PTPRJ: variants seen among roughly 807,000 people sequenced by gnomAD.
PTPRJ encodes receptor-type tyrosine-protein phosphatase eta.
Under a neutral mutation model 141.3 loss-of-function variants are expected in PTPRJ, and 129 were observed. The ratio of observed to expected loss-of-function variants is 0.91; its 90% confidence interval spans 0.79 to 1.06. The LOEUF (loss-of-function observed/expected upper bound fraction) is 1.06. Among genes scored for constraint, PTPRJ ranks in the 50% least tolerant of loss-of-function variants. The pLI, the probability that PTPRJ is intolerant of heterozygous loss-of-function variation, is 0.00. For missense variants in PTPRJ, 1,601 were observed against 1,679.7 expected (o/e 0.95, Z 0.82); for synonymous variants, 610 against 640.5 (o/e 0.95, Z 0.72).
At chr11:47,993,470 T>A (rs1478718210) in intron 1 of PTPRJ, among the ~76,000 whole-genome samples, 1 of 152,022 alleles carries the variant, frequency 6.6e-6, no homozygotes, top group African/African-American at 2.4e-5. Context: ...TTTTTGTATT[T>A]TTAGTAGAGA....
chr11:48,068,306 T>C (rs562938338), intron 1 of PTPRJ, among the ~76,000 whole-genome samples: 28 of 152,144 alleles, frequency 1.8e-4, no homozygotes, highest in African/African-American at 6.7e-4. Context: ...CCACCTAAAT[T>C]TCACCTTGAA....
chr11:48,076,099 G>T (rs532137484), intron 1 of PTPRJ, among the ~76,000 whole-genome samples: 152 of 152,282 alleles, frequency 1.0e-3, no homozygotes, highest in African/African-American at 3.5e-3. Context: ...GCTTGACCTG[G>T]GTTCCAGTCT....
chr11:48,164,286 G>A (rs1857857457), intron 23 of PTPRJ, 94 bp from the exon 24 acceptor site: 2 of 1,495,930 alleles, frequency 1.3e-6, no homozygotes, highest in Admixed American at 4.1e-5. Context: ...GTGTGACAGT[G>A]AAGGAAAGCA....
chr11:48,008,071 T>A lies in PTPRJ; in HGVS notation c.96+27063T>A, dbSNP rs544576209. Among the ~76,000 whole-genome samples, 4 of 152,268 alleles carry A rather than the reference T, an allele frequency of 2.6e-5. No homozygotes were observed. In the South Asian group the frequency reaches 8.3e-4, roughly 32 times the overall value. Reference sequence around the variant, plus strand: ...GACCTGTTTTTAATGGAGGCTGAATTGGGCTTTTAGGGTTGAGTTCTGACA... The same window carrying A: ...GACCTGTTTTTAATGGAGGCTGAATAGGGCTTTTAGGGTTGAGTTCTGACA... On this transcript the variant is annotated intron_variant, in intron 1 of 24. Coordinates refer to ENST00000418331, the MANE Select transcript of PTPRJ (RefSeq NM_002843.4).
rs192320082 is a variant in PTPRJ, at chr11:48,155,900, A to G, written c.3303+26A>G. On this transcript the variant is annotated intron_variant, in intron 20 of 24. Coordinates refer to ENST00000418331, the MANE Select transcript of PTPRJ (RefSeq NM_002843.4). ...GTAAGTTGGGGGACGGTCTCACAGC[A>G]CTGGACTGTTTCGATGAAATCTTCA... The G allele has an allele frequency of 2.1e-5, 34 of 1,590,110 alleles. No homozygotes were observed. In the East Asian group the frequency reaches 7.6e-4, roughly 36 times the overall value.
intron 1 of PTPRJ, among the ~76,000 whole-genome samples, chr11:48,002,055 G>C (rs1388463173): frequency 6.6e-6 from 1 of 151,820 alleles, no homozygotes; most frequent in Non-Finnish European, 1.5e-5. Context: ...TGTGCATGGT[G>C]TTTTGGGCCT....
intron 1 of PTPRJ, among the ~76,000 whole-genome samples, chr11:48,020,624 G>A (rs1855090410): frequency 6.6e-6 from 1 of 152,182 alleles, no homozygotes; most frequent in African/African-American, 2.4e-5. Flanking sequence ...GTTACCCTAG[G>A]TGGGTTAGCA....
intron 1 of PTPRJ, among the ~76,000 whole-genome samples, chr11:48,103,953 G>T (rs1369342555): frequency 6.6e-6 from 1 of 152,214 alleles, no homozygotes; most frequent in East Asian, 1.9e-4. Flanking sequence ...AGGGTGGTTG[G>T]TTCTCGTTCC....
intron 18 of PTPRJ, among the ~76,000 whole-genome samples, chr11:48,151,246 C>A (rs1263218300): frequency 6.6e-6 from 1 of 152,084 alleles, no homozygotes; most frequent in Non-Finnish European, 1.5e-5. Flanking sequence ...CAGCGCCCTT[C>A]CTTGCCTCCG....
intron 1 of PTPRJ, among the ~76,000 whole-genome samples, chr11:47,995,651 G>A (rs988148944): frequency 6.6e-6 from 1 of 152,238 alleles, no homozygotes; most frequent in African/African-American, 2.4e-5. Flanking sequence ...ATGGTATCAT[G>A]TTGGGGTGTG....
At chr11:48,088,688 C>G (rs1267990882) in intron 1 of PTPRJ, among the ~76,000 whole-genome samples, 1 of 152,128 alleles carries the variant, frequency 6.6e-6, no homozygotes, top group Non-Finnish European at 1.5e-5. Flanking sequence ...TTCCATGTTA[C>G]TCTCCATGTT....
intron 1 of PTPRJ, among the ~76,000 whole-genome samples, chr11:47,984,565 G>T (rs1488138504): frequency 4.1e-5 from 6 of 146,538 alleles, no homozygotes; most frequent in Middle Eastern, 3.5e-3. Flanking sequence ...TTATTTGTTT[G>T]TTTTTTTTTT....
chr11:48,028,786 C>T (rs1033265782), intron 1 of PTPRJ, among the ~76,000 whole-genome samples: 21 of 152,182 alleles, frequency 1.4e-4, no homozygotes, highest in Admixed American at 5.9e-4. Context: ...AGTGAAACTC[C>T]GTCTCAAAAG....
chr11:48,123,811 C>G lies in PTPRJ; in HGVS notation c.815C>G (p.Pro272Arg). ...LKPGVQYNIN[P>R]YLLQSNKTKG... ...CCAGGGGTTCAATACAACATCAACC[C>G]GTATCTTCTACAATCAAATAAGACA... Residue 272 changes from proline (P) to arginine (R), a missense_variant, in exon 5 of 25, where the codon CCG becomes CGG. Physicochemically the swap from Pro to Arg is moderately radical, Grantham distance 103 (BLOSUM62 -2). Coordinates refer to ENST00000418331, the MANE Select transcript of PTPRJ (RefSeq NM_002843.4). The G allele has an allele frequency of 6.2e-7, 1 of 1,614,080 alleles. No homozygotes were observed. The highest frequency in any genetic ancestry group is 8.5e-7 in the Non-Finnish European group (1 of 1,179,982).
chr11:48,059,920 A>T (rs1854873237), intron 1 of PTPRJ, among the ~76,000 whole-genome samples: 2 of 152,184 alleles, frequency 1.3e-5, no homozygotes, highest in Non-Finnish European at 2.9e-5. Flanking sequence ...TCAAACCCGA[A>T]TTGCATTAAG....
At chr11:48,126,284 A>T (rs962566266) in intron 6 of PTPRJ, among the ~76,000 whole-genome samples, 8 of 151,992 alleles carry the variant, frequency 5.3e-5, no homozygotes, top group Non-Finnish European at 1.2e-4. Flanking sequence ...AGTAGTGATT[A>T]CATCTCAGGC....
chr11:48,096,614 A>C (rs1293354793), intron 1 of PTPRJ, among the ~76,000 whole-genome samples: 1 of 151,294 alleles, frequency 6.6e-6, no homozygotes, highest in Middle Eastern at 3.2e-3. Flanking sequence ...TCCTCAAACC[A>C]AACCACCCCT....
At chr11:48,156,621 G>T (rs1475013871) in intron 21 of PTPRJ, among the ~76,000 whole-genome samples, 1 of 133,792 alleles carries the variant, frequency 7.5e-6, no homozygotes, top group East Asian at 2.3e-4. Context: ...TTGAGACAGG[G>T]TCTCCTCTGT....
intron 1 of PTPRJ, among the ~76,000 whole-genome samples, chr11:48,067,388 C>A (rs1200532171): frequency 6.6e-6 from 1 of 152,174 alleles, no homozygotes; most frequent in African/African-American, 2.4e-5. Context: ...TTCAAAGTCC[C>A]TCCTCGGAGG....
Sources: allele counts gnomAD v4.1 joint callset (sites outside exome capture counted in the v4.1 genomes callset), GRCh38; gene constraint gnomAD v4.1.1; transcripts MANE v1.5; gene names NCBI Gene and HGNC (gene_info 2026-07-23, HGNC 2026-07-21).